Variants in TMEM156 observed in about 807,000 individuals in gnomAD.
TMEM156 encodes transmembrane protein 156.
In TMEM156, 28 loss-of-function variants were observed where a neutral mutation model predicts 30.5. The observed-to-expected ratio is 0.92, with a 90% CI of 0.68 to 1.26. The LOEUF is 1.26. Ranked by LOEUF, TMEM156 falls within the 50% of genes most tolerant of loss-of-function variation. The probability of loss-of-function intolerance (pLI) is 0.00; values close to 1 mark genes in which losing one functional copy is unlikely to be tolerated. For synonymous variants in TMEM156, 137 were observed against 119.9 expected (o/e 1.14, Z -0.93); for missense variants, 351 against 340.6 (o/e 1.03, Z -0.24).
Position 38,997,057 on chromosome 4 carries a change from G to A in TMEM156, c.358+1583C>T, listed in dbSNP as rs1265050299. Among the ~76,000 whole-genome samples, 3 of 152,122 alleles carry A rather than the reference G, an allele frequency of 2.0e-5. No individual in the cohort carries two copies. In the South Asian group the frequency reaches 6.2e-4, roughly 32 times the overall value. On this transcript the variant is annotated intron_variant, in intron 2 of 6. Transcript: ENST00000381938. ...CTGTTTAAAACCATTGAGTTTTGGG[G>A]GTACTTTATTACAGAGCCACAGCAA... is the stretch of plus-strand genomic sequence containing the variant.
intron 1 of TMEM156, among the ~76,000 whole-genome samples, chr4:39,018,936 A>C (rs1714678064): frequency 6.6e-6 from 1 of 151,544 alleles, no homozygotes; most frequent in African/African-American, 2.4e-5. Context: ...CAGAAGAATC[A>C]CTTGAATTTG....
chr4:38,982,371 A>C (rs1711634242), intron 5 of TMEM156, among the ~76,000 whole-genome samples: 1 of 152,182 alleles, frequency 6.6e-6, no homozygotes, highest in Admixed American at 6.5e-5. Flanking sequence ...ACTTTTGCAT[A>C]GTTTTCAAAA....
At chr4:38,971,192 C>T in intron 5 of TMEM156, 55 bp from the exon 6 acceptor site, 2 of 1,513,534 alleles carry the variant, frequency 1.3e-6, no homozygotes, top group Non-Finnish European at 1.8e-6. Context: ...CAAAAAGAGA[C>T]AGGCTTATTC....
At chr4:38,978,538 T>C (rs756940831) in intron 5 of TMEM156, among the ~76,000 whole-genome samples, 1 of 152,282 alleles carries the variant, frequency 6.6e-6, no homozygotes, top group East Asian at 1.9e-4. Context: ...CAACAGGGTA[T>C]GGGTTCAGGC....
intron 3 of TMEM156, among the ~76,000 whole-genome samples, chr4:38,993,447 C>T (rs1560367802): frequency 7.2e-6 from 1 of 139,016 alleles, no homozygotes. Flanking sequence ...ACCACCACCA[C>T]CCCACTGCAA....
intron 1 of TMEM156, among the ~76,000 whole-genome samples, chr4:39,017,380 C>T (rs1464135348): frequency 2.0e-5 from 3 of 151,620 alleles, no homozygotes; most frequent in Non-Finnish European, 2.9e-5. Flanking sequence ...GGGGTTTCAT[C>T]GTGTTGGCCA....
chr4:38,976,280 A>T (rs1180178347), intron 5 of TMEM156, among the ~76,000 whole-genome samples: 1 of 121,582 alleles, frequency 8.2e-6, no homozygotes, highest in Non-Finnish European at 1.6e-5. Context: ...ACAGAGCTAG[A>T]CTCCGTCTCA....
chr4:39,030,759 A>G (rs1715462824), intron 1 of TMEM156, among the ~76,000 whole-genome samples: 1 of 152,184 alleles, frequency 6.6e-6, no homozygotes. Context: ...AGATAGATAT[A>G]TAGATAGAAC....
chr4:38,977,338 A>G (rs2109876805), intron 5 of TMEM156, among the ~76,000 whole-genome samples: 1 of 152,368 alleles, frequency 6.6e-6, no homozygotes, highest in Non-Finnish European at 1.5e-5. Flanking sequence ...GCTGGTGTTT[A>G]TAGCATAAAA....
At position 38,967,415 on chromosome 4, in the gene TMEM156, A is replaced by G. The variant is rs1404874523; in HGVS notation, c.*265T>C. The stretch of plus-strand genomic sequence containing the variant: ...TCTTGCTGTTTCCATGGGTTTCATC[A>G]TCTTTTTTTCCATGACTCATAATGG... On this transcript the variant is annotated 3_prime_UTR_variant, in exon 7 of 7. Coordinates refer to ENST00000381938, the MANE Select transcript of TMEM156 (RefSeq NM_024943.3). 6.6e-6 allele frequency: 1 copy of G among 152,118 alleles called. No individual in the cohort carries two copies. The allele number at this position is 152,118 out of a possible 1,614,324, so 9.4% of individuals were successfully genotyped here.
intron 2 of TMEM156, among the ~76,000 whole-genome samples, chr4:38,995,335 CAT>C (rs748231809): frequency 8.5e-5 from 13 of 152,334 alleles, no homozygotes; most frequent in Middle Eastern, 3.4e-3. Context: ...CCATAACACA[CAT>C]GTTACCCTAA....
At chr4:38,969,836 GC>G (rs1722513883) in intron 6 of TMEM156, among the ~76,000 whole-genome samples, 1 of 152,088 alleles carries the variant, frequency 6.6e-6, no homozygotes, top group African/African-American at 2.4e-5. Context: ...CCAGCAACCT[GC>G]CCACCTCAGC....
intron 1 of TMEM156, among the ~76,000 whole-genome samples, chr4:39,023,737 C>A (rs1274895531): frequency 6.6e-6 from 1 of 152,030 alleles, no homozygotes; most frequent in Non-Finnish European, 1.5e-5. Flanking sequence ...ACCTGTAGTC[C>A]CAGCTACGCA....
chr4:38,982,866 G>A (rs1166598856), intron 5 of TMEM156, among the ~76,000 whole-genome samples: 4 of 152,230 alleles, frequency 2.6e-5, no homozygotes, highest in South Asian at 2.1e-4. Flanking sequence ...CTCTGATCCC[G>A]GAAACCTGAT....
At chr4:38,995,408 C>T (rs112816228) in intron 2 of TMEM156, among the ~76,000 whole-genome samples, 3,876 of 152,212 alleles carry the variant, frequency 0.025, 170 homozygotes, top group African/African-American at 0.087. Flanking sequence ...TGGTAGCATT[C>T]GTGATTTGCT....
intron 5 of TMEM156, among the ~76,000 whole-genome samples, chr4:38,976,823 A>G (rs1463980687): frequency 2.0e-5 from 3 of 152,266 alleles, no homozygotes; most frequent in Admixed American, 6.5e-5. Context: ...TTAAAGCTTC[A>G]GAATGAATTT....
chr4:38,984,349 CTGTGTGTGTGTG>C (rs34823853), intron 5 of TMEM156, among the ~76,000 whole-genome samples: 12 of 131,106 alleles, frequency 9.2e-5, no homozygotes, highest in East Asian at 4.8e-4. Context: ...CTCTCTCTCT[CTGTGTGTGTGTG>C]TGTGTGTGTG....
chr4:38,978,234 T>C (rs1473657239), intron 5 of TMEM156, among the ~76,000 whole-genome samples: 2 of 151,870 alleles, frequency 1.3e-5, no homozygotes, highest in Non-Finnish European at 2.9e-5. Flanking sequence ...ACATTTTATA[T>C]GGTTATTAAA....
At chr4:39,013,999 T>C (rs538610297) in intron 1 of TMEM156, among the ~76,000 whole-genome samples, 4 of 152,168 alleles carry the variant, frequency 2.6e-5, no homozygotes, top group Non-Finnish European at 4.4e-5. Flanking sequence ...TCTCACCTTA[T>C]AGGATGAAAA....
Sources: allele counts gnomAD v4.1 joint callset (sites outside exome capture counted in the v4.1 genomes callset), GRCh38; gene constraint gnomAD v4.1.1; transcripts MANE v1.5; gene names NCBI Gene and HGNC (gene_info 2026-07-23, HGNC 2026-07-21).